LARGE1: variants seen among roughly 807,000 people sequenced by gnomAD.
The protein encoded by LARGE1 is xylosyl- and glucuronyltransferase LARGE1.
Under a neutral mutation model 87.6 loss-of-function variants are expected in LARGE1, and 43 were observed. The ratio of observed to expected loss-of-function variants is 0.49; its 90% CI spans 0.38 to 0.63. The LOEUF is 0.63. Ranked by LOEUF, LARGE1 falls within the 30% of genes least tolerant of loss-of-function variation. LARGE1 has a pLI of 0.00. For missense variants in LARGE1, 802 were observed against 1,000.2 expected (o/e 0.80, Z 2.67); for synonymous variants, 434 against 394.6 (o/e 1.10, Z -1.18).
At chr22:33,886,627 T>C (rs1246264089) in intron 1 of LARGE1, among the ~76,000 whole-genome samples, 1 of 111,542 alleles carries the variant, frequency 9.0e-6, no homozygotes, top group African/African-American at 3.4e-5. Context: ...GCCGAGATCA[T>C]GCACCTGGAC....
At chr22:33,094,594 TTTC>T in the LARGE1 span, among the ~76,000 whole-genome samples, 2 of 151,946 alleles carry the variant, frequency 1.3e-5, no homozygotes, top group Middle Eastern at 3.4e-3. Flanking sequence ...TTTTTCTTTC[TTTC>T]TTTTTTTTTT....
intron 3 of LARGE1, among the ~76,000 whole-genome samples, chr22:33,645,188 T>C (rs1217751698): frequency 2.0e-5 from 3 of 151,288 alleles, no homozygotes; most frequent in Non-Finnish European, 3.0e-5. Flanking sequence ...CAAAGCAGCA[T>C]GGTACTCCTA....
At chr22:33,249,188 GT>G (rs1240529396) in intron 11 of LARGE1, among the ~76,000 whole-genome samples, 1 of 152,166 alleles carries the variant, frequency 6.6e-6, no homozygotes, top group Non-Finnish European at 1.5e-5. Context: ...ATAAATGAGA[GT>G]TCCTATTGCA....
intron 2 of LARGE1, among the ~76,000 whole-genome samples, chr22:33,672,597 A>G (rs1416350754): frequency 6.6e-6 from 1 of 152,230 alleles, no homozygotes; most frequent in Non-Finnish European, 1.5e-5. Context: ...GTGGGGAAGT[A>G]AGTCTATCTG....
At chr22:33,739,851 A>T (rs1184945304) in intron 2 of LARGE1, among the ~76,000 whole-genome samples, 3 of 152,166 alleles carry the variant, frequency 2.0e-5, no homozygotes, top group African/African-American at 7.2e-5. Flanking sequence ...GAGGGCATGG[A>T]AGGAGGCGGG....
chr22:33,519,418 C>T (rs2071465835), intron 6 of LARGE1, among the ~76,000 whole-genome samples: 1 of 152,056 alleles, frequency 6.6e-6, no homozygotes, highest in Admixed American at 6.5e-5. Context: ...TTACAGAAAC[C>T]TCAACTCTTT....
At chr22:33,529,768 A>T (rs2072105072) in intron 6 of LARGE1, among the ~76,000 whole-genome samples, 1 of 152,150 alleles carries the variant, frequency 6.6e-6, no homozygotes, top group East Asian at 1.9e-4. Flanking sequence ...GGCAAACCCA[A>T]ATTTGACAAC....
chr22:33,105,578 T>G, the LARGE1 span: 1 of 151,996 alleles, frequency 6.6e-6, no homozygotes, highest in African/African-American at 2.4e-5. Flanking sequence ...ACGGCATCCT[T>G]GATCATGTTC....
rs60677740 is a variant in LARGE1, at chr22:33,793,788, CT to C, written c.-82-32231del. On this transcript the variant is annotated intron_variant, in intron 1 of 14. Coordinates refer to ENST00000397394, the MANE Select transcript of LARGE1 (RefSeq NM_133642.5). Reference sequence around the variant, plus strand: ...CTCAAATAAGGCAAGCACCCCCCAACTTTTTTTTTTTCATAAGAATCTGTCC... The same window carrying C: ...CTCAAATAAGGCAAGCACCCCCCAACTTTTTTTTTTCATAAGAATCTGTCC... Among the ~76,000 whole-genome samples the C allele has an allele frequency of 2.6e-3, 386 of 148,854 alleles. 2 individuals are homozygous for C. Among genetic ancestry groups the C allele is most frequent in the African/African-American group, 7.9e-3 (320 of 40,690 alleles).
chr22:33,913,214 A>G (rs1303566370), intron 1 of LARGE1, among the ~76,000 whole-genome samples: 1 of 152,198 alleles, frequency 6.6e-6, no homozygotes, highest in Non-Finnish European at 1.5e-5. Flanking sequence ...ATGTCTCTGC[A>G]ATTATAAAAA....
intron 9 of LARGE1, among the ~76,000 whole-genome samples, chr22:33,357,612 T>G (rs1354833306): frequency 6.6e-6 from 1 of 151,802 alleles, no homozygotes; most frequent in Non-Finnish European, 1.5e-5. Context: ...CTGACCAACA[T>G]GGAGAAACCC....
chr22:33,081,569 GAT>G, the LARGE1 span, among the ~76,000 whole-genome samples: 1 of 152,172 alleles, frequency 6.6e-6, no homozygotes, highest in Non-Finnish European at 1.5e-5. Flanking sequence ...ATAAAAGAAA[GAT>G]AAAATATACC....
At chr22:33,658,729 A>G (rs1366509357) in intron 2 of LARGE1, among the ~76,000 whole-genome samples, 1 of 152,160 alleles carries the variant, frequency 6.6e-6, no homozygotes, top group Non-Finnish European at 1.5e-5. Context: ...GCTATTGGGA[A>G]TAGTGCTGCA....
In LARGE1 at chr22:33,304,381, G is replaced by A. The variant is rs200229228; in HGVS notation, c.1578C>T (p.Arg526=). Residue 526 remains arginine (R), a synonymous_variant, in exon 12 of 15, where the codon CGC becomes CGT. Transcript: ENST00000397394. ...YAQGSEVLMS[R]HNVGYHIVYK... is the part of the protein sequence containing the mutation. ...ACACGATGTGGTAGCCCACGTTGTG[G>A]CGGCTCATAAGCACCTCAGAGCCCT... The A allele has an allele frequency of 3.2e-5, 52 of 1,614,268 alleles. 1 individual carries two copies. In the South Asian group the frequency reaches 5.1e-4, roughly 16 times the overall value.
intron 6 of LARGE1, among the ~76,000 whole-genome samples, chr22:33,461,654 T>TA (rs796625223): frequency 2.1e-4 from 20 of 95,056 alleles, no homozygotes; most frequent in South Asian, 3.2e-4. Context: ...AAGTATAATT[T>TA]AAAAAAAAAA....
intron 11 of LARGE1, among the ~76,000 whole-genome samples, chr22:33,262,659 C>CT (rs1927697841): frequency 6.6e-6 from 1 of 152,176 alleles, no homozygotes; most frequent in South Asian, 2.1e-4. Context: ...CTGCAGTACT[C>CT]TATTACGCCT....
At chr22:33,542,998 C>A (rs2077254906) in intron 6 of LARGE1, among the ~76,000 whole-genome samples, 1 of 152,166 alleles carries the variant, frequency 6.6e-6, no homozygotes, top group South Asian at 2.1e-4. Context: ...CCTCTAAGAT[C>A]CCTTCCAGTC....
intron 2 of LARGE1, among the ~76,000 whole-genome samples, chr22:33,662,833 C>T (rs2081168209): frequency 6.6e-6 from 1 of 151,478 alleles, no homozygotes; most frequent in African/African-American, 2.5e-5. Flanking sequence ...TCAGTGTTAT[C>T]TTCCTCAGCT....
At chr22:33,669,012 A>G (rs994790845) in intron 2 of LARGE1, among the ~76,000 whole-genome samples, 3 of 152,180 alleles carry the variant, frequency 2.0e-5, no homozygotes, top group East Asian at 1.9e-4. Flanking sequence ...GCCAACCTTG[A>G]GTCTTAACAC....
Sources: gnomAD v4.1 joint callset for allele counts (sites outside exome capture counted in the v4.1 genomes callset) on GRCh38, gnomAD v4.1.1 for gene constraint, MANE v1.5 for transcripts, NCBI Gene and HGNC (gene_info 2026-07-23, HGNC 2026-07-21) for gene names.